The following RNF180 variants were observed in gnomAD, a reference collection of about 807,000 sequenced individuals.
The protein encoded by RNF180 is ring finger protein 180.
RNF180 carries 38 observed loss-of-function variants against 59.2 expected under a neutral mutation model. That is an observed-to-expected ratio of 0.64 (90% CI 0.50 to 0.84). The LOEUF (loss-of-function observed/expected upper bound fraction) is 0.84, where lower values mean the gene tolerates loss of function less well. RNF180 is among the 40% of genes least tolerant of loss of function. The probability of loss-of-function intolerance (pLI) is 0.00; values close to 1 mark genes in which losing one functional copy is unlikely to be tolerated. For missense variants in RNF180, 705 were observed against 700.9 expected, an observed-to-expected ratio of 1.01 and a Z score of -0.07; for synonymous variants, 262 against 240.3, an observed-to-expected ratio of 1.09 and a Z score of -0.84.
At chr5:64,368,888 G>A (rs1561284147) in intron 7 of RNF180, among the ~76,000 whole-genome samples, 1 of 152,062 alleles carries the variant, frequency 6.6e-6, no homozygotes, top group Non-Finnish European at 1.5e-5. Flanking sequence ...CAACCATTGT[G>A]GAAGTCAGTG....
At chr5:64,222,869 T>C (rs1428875426) in intron 5 of RNF180, among the ~76,000 whole-genome samples, 1 of 152,210 alleles carries the variant, frequency 6.6e-6, no homozygotes, top group Non-Finnish European at 1.5e-5. Flanking sequence ...TAAAATGCCA[T>C]TCTTTATTAG....
At chr5:64,186,839 G>T (rs1750897653) in intron 1 of RNF180, among the ~76,000 whole-genome samples, 1 of 152,042 alleles carries the variant, frequency 6.6e-6, no homozygotes, top group Non-Finnish European at 1.5e-5. Flanking sequence ...ATACCGACAT[G>T]CACACAACAT....
intron 1 of RNF180, among the ~76,000 whole-genome samples, chr5:64,176,448 G>GA (rs891712095): frequency 4.6e-5 from 7 of 151,882 alleles, no homozygotes; most frequent in African/African-American, 1.7e-4. Context: ...GTCTCTTCTC[G>GA]AAAAAATCCC....
intron 5 of RNF180, among the ~76,000 whole-genome samples, chr5:64,232,152 G>A (rs1402042460): frequency 6.6e-6 from 1 of 152,132 alleles, no homozygotes; most frequent in African/African-American, 2.4e-5. Flanking sequence ...GGGTCGCAGA[G>A]CATAAGGGTT....
intron 7 of RNF180, among the ~76,000 whole-genome samples, chr5:64,359,244 C>T (rs1158828440): frequency 1.3e-3 from 199 of 149,552 alleles, no homozygotes; most frequent in African/African-American, 4.7e-3. Flanking sequence ...AGTTTACAGT[C>T]CCACCAACAG....
chr5:64,292,620 C>G (rs774993333), intron 5 of RNF180, among the ~76,000 whole-genome samples: 10 of 152,194 alleles, frequency 6.6e-5, no homozygotes, highest in Non-Finnish European at 1.3e-4. Context: ...ATCAGGGACC[C>G]ACTTAAAGAA....
intron 7 of RNF180, among the ~76,000 whole-genome samples, chr5:64,364,774 A>G (rs754563595): frequency 4.0e-5 from 6 of 151,422 alleles, no homozygotes; most frequent in African/African-American, 1.5e-4. Context: ...TAGGGATTCA[A>G]TTTCTTTCTG....
chr5:64,276,319 G>GGGGTGTGT lies in RNF180; in HGVS notation c.1228-48866_1228-48865insGGTGTGTG, dbSNP rs553123802. ...CAGAACTGGGAACAAAAAATACATT[G>GGGGTGTGT]GTGTGTGTGTGTGTGTGTGTGTGTG... On this transcript the variant is annotated intron_variant, in intron 5 of 7. Transcript: ENST00000389100. 8.0e-4 allele frequency among the ~76,000 whole-genome samples: 110 copies of GGGGTGTGT among 138,190 alleles called. 1 individual carries two copies. The highest frequency in any genetic ancestry group is 2.3e-3 in the African/African-American group (84 of 36,184). The allele number at this position is 138,190 out of a possible 152,430, so 90.7% of individuals were successfully genotyped here.
At chr5:64,307,621 G>C (rs1409552202) in intron 5 of RNF180, among the ~76,000 whole-genome samples, 2 of 151,616 alleles carry the variant, frequency 1.3e-5, no homozygotes, top group African/African-American at 4.8e-5. Flanking sequence ...AATATCATAA[G>C]TCAAAAATGT....
Position 64,345,978 on chromosome 5 carries a change from C to A in RNF180, c.1579+15572C>A, listed in dbSNP as rs562186405. ...CCAGCTTCTAGGAAATTACAGTTTG[C>A]AATCATTGATTTTTTTTTAGGGAAA... is the stretch of plus-strand genomic sequence containing the variant. On this transcript the variant is annotated intron_variant, in intron 7 of 7. Transcript: ENST00000389100. Among the ~76,000 whole-genome samples the A allele has an allele frequency of 6.5e-5, 8 of 123,110 alleles. No individual in the cohort carries two copies. The East Asian group carries it at 1.6e-3, about 25-fold the overall frequency. The allele number at this position is 123,110 out of a possible 152,430, so 80.8% of individuals were successfully genotyped here.
intron 1 of RNF180, among the ~76,000 whole-genome samples, chr5:64,181,977 T>C (rs1753406075): frequency 6.7e-6 from 1 of 148,182 alleles, no homozygotes; most frequent in African/African-American, 2.5e-5. Flanking sequence ...AAAGTGCAAC[T>C]GCTACTGTCT....
At chr5:64,273,161 A>G (rs967131382) in intron 5 of RNF180, among the ~76,000 whole-genome samples, 1 of 151,920 alleles carries the variant, frequency 6.6e-6, no homozygotes, top group Non-Finnish European at 1.5e-5. Flanking sequence ...CACTCTCACC[A>G]GCACCATGAC....
intron 7 of RNF180, among the ~76,000 whole-genome samples, chr5:64,361,792 A>T (rs1746263152): frequency 6.6e-6 from 1 of 151,412 alleles, no homozygotes; most frequent in Non-Finnish European, 1.5e-5. Context: ...TCCAATCCAA[A>T]TCCTTTTTTA....
chr5:64,354,267 G>A (rs1405000059), intron 7 of RNF180, among the ~76,000 whole-genome samples: 2 of 151,522 alleles, frequency 1.3e-5, no homozygotes, highest in African/African-American at 4.8e-5. Context: ...AAAAAACAGT[G>A]GAGACATTAC....
intron 5 of RNF180, among the ~76,000 whole-genome samples, chr5:64,311,248 T>A (rs1353930200): frequency 2.0e-5 from 3 of 151,932 alleles, no homozygotes; most frequent in African/African-American, 7.2e-5. Context: ...TTAGCCTGGC[T>A]CTTTGGGATA....
chr5:64,295,588 C>T (rs1206959847), intron 5 of RNF180, among the ~76,000 whole-genome samples: 2 of 152,196 alleles, frequency 1.3e-5, no homozygotes, highest in African/African-American at 2.4e-5. Flanking sequence ...GATACTTGTT[C>T]TGTCTCCCTA....
At chr5:64,190,162 CAA>C (rs1365761793) in intron 1 of RNF180, among the ~76,000 whole-genome samples, 4 of 152,174 alleles carry the variant, frequency 2.6e-5, no homozygotes, top group Non-Finnish European at 5.9e-5. Flanking sequence ...GCCGAGAAAA[CAA>C]AGCCGCTGTT....
At chr5:64,346,359 C>CTTTTT (rs1162054033) in intron 7 of RNF180, among the ~76,000 whole-genome samples, 24 of 42,954 alleles carry the variant, frequency 5.6e-4, no homozygotes, top group East Asian at 7.7e-4. Context: ...TTCTTTTCTT[C>CTTTTT]TTTTTTTTTT....
At chr5:64,198,659 T>A (rs1190506907) in intron 1 of RNF180, among the ~76,000 whole-genome samples, 2 of 152,122 alleles carry the variant, frequency 1.3e-5, no homozygotes, top group Non-Finnish European at 2.9e-5. Context: ...GAATCCTCCC[T>A]GCAGTCCCTA....
Sources: allele counts gnomAD v4.1 joint callset (sites outside exome capture counted in the v4.1 genomes callset), GRCh38; gene constraint gnomAD v4.1.1; transcripts MANE v1.5; gene names NCBI Gene and HGNC (gene_info 2026-07-23, HGNC 2026-07-21).